The following MAGI2 variants were observed in gnomAD, a reference collection of about 807,000 sequenced individuals.
MAGI2 encodes membrane-associated guanylate kinase, WW and PDZ domain-containing protein 2.
In MAGI2, 35 loss-of-function variants were observed where a neutral mutation model predicts 133.3. The ratio of observed to expected loss-of-function variants is 0.26; its 90% CI spans 0.20 to 0.35. MAGI2 has a LOEUF of 0.35. Ranked by LOEUF, MAGI2 falls within the 10% of genes least tolerant of loss-of-function variation. The pLI is 1.00. For missense variants in MAGI2, 1,636 were observed against 1,863.4 expected, an observed-to-expected ratio of 0.88 and a Z score of 2.25; for synonymous variants, 729 against 710.6, an observed-to-expected ratio of 1.03 and a Z score of -0.41.
intron 2 of MAGI2, among the ~76,000 whole-genome samples, chr7:78,833,370 G>T (rs1276320915): frequency 6.6e-6 from 1 of 152,064 alleles, no homozygotes; most frequent in Non-Finnish European, 1.5e-5. Flanking sequence ...AATAATAAAT[G>T]CTGGTATATC....
At chr7:78,597,375 G>GGA (rs1491292739) in intron 3 of MAGI2, among the ~76,000 whole-genome samples, 1 of 16,854 alleles carries the variant, frequency 5.9e-5, no homozygotes, top group African/African-American at 3.8e-4. Flanking sequence ...TGAATTCCTT[G>GGA]GGGGGGGGGG....
chr7:78,193,906 T>C (rs1014868740), intron 12 of MAGI2, among the ~76,000 whole-genome samples: 4 of 152,222 alleles, frequency 2.6e-5, no homozygotes, highest in Non-Finnish European at 5.9e-5. Context: ...TGCTTTCCCC[T>C]TTACCAGCTG....
intron 2 of MAGI2, among the ~76,000 whole-genome samples, chr7:78,860,067 C>T (rs1036801343): frequency 2.6e-5 from 4 of 152,160 alleles, no homozygotes; most frequent in Admixed American, 6.5e-5. Context: ...ACGTAGTTCT[C>T]GTGCCATGGT....
chr7:78,682,336 C>T (rs1408485880), intron 2 of MAGI2, among the ~76,000 whole-genome samples: 1 of 152,066 alleles, frequency 6.6e-6, no homozygotes, highest in Admixed American at 6.6e-5. Context: ...GACCCGTCAT[C>T]TACATTAGGT....
At chr7:78,537,760 T>C (rs1256922264) in intron 3 of MAGI2, among the ~76,000 whole-genome samples, 1 of 152,162 alleles carries the variant, frequency 6.6e-6, no homozygotes, top group African/African-American at 2.4e-5. Flanking sequence ...TTGTCAGATG[T>C]ATAGTTTGCA....
chr7:79,350,758 G>C (rs1841633411), intron 1 of MAGI2, among the ~76,000 whole-genome samples: 3 of 152,084 alleles, frequency 2.0e-5, no homozygotes, highest in Non-Finnish European at 2.9e-5. Flanking sequence ...TTTGAATTTA[G>C]ATAAGAATCA....
intron 6 of MAGI2, among the ~76,000 whole-genome samples, chr7:78,471,544 C>G (rs1274560270): frequency 6.6e-6 from 1 of 152,106 alleles, no homozygotes; most frequent in East Asian, 1.9e-4. Context: ...TATGATTAGA[C>G]ATACTTCTAT....
chr7:78,225,203 T>C (rs1789254684), intron 10 of MAGI2, among the ~76,000 whole-genome samples: 1 of 152,160 alleles, frequency 6.6e-6, no homozygotes, highest in Admixed American at 6.5e-5. Flanking sequence ...CCCCTTATTT[T>C]CTGAGATTCC....
chr7:78,387,285 T>C (rs976802098), intron 6 of MAGI2, among the ~76,000 whole-genome samples: 3 of 152,116 alleles, frequency 2.0e-5, no homozygotes, highest in Non-Finnish European at 4.4e-5. Flanking sequence ...TCTTTACAAC[T>C]CTAGGCAAAA....
chr7:78,576,023 A>G (rs1261628797), intron 3 of MAGI2, among the ~76,000 whole-genome samples: 1 of 152,176 alleles, frequency 6.6e-6, no homozygotes, highest in Admixed American at 6.5e-5. Context: ...AACTCTCTGT[A>G]CTATTTTTGT....
At chr7:79,309,775 T>C (rs1175741479) in intron 1 of MAGI2, among the ~76,000 whole-genome samples, 3 of 151,618 alleles carry the variant, frequency 2.0e-5, no homozygotes, top group Non-Finnish European at 4.4e-5. Context: ...TGTTCATCAC[T>C]GTGAAGATAA....
At chr7:78,950,429 C>A (rs1370407266) in intron 2 of MAGI2, among the ~76,000 whole-genome samples, 2 of 152,134 alleles carry the variant, frequency 1.3e-5, no homozygotes, top group Non-Finnish European at 2.9e-5. Context: ...AACATTAAGA[C>A]ACTGATGTTC....
intron 6 of MAGI2, among the ~76,000 whole-genome samples, chr7:78,397,767 G>C (rs997511965): frequency 1.3e-5 from 2 of 151,990 alleles, no homozygotes; most frequent in African/African-American, 4.8e-5. Context: ...TGCTACTTAG[G>C]ACCAACAATA....
intron 3 of MAGI2, among the ~76,000 whole-genome samples, chr7:78,607,211 T>C (rs1307826163): frequency 6.6e-6 from 1 of 152,124 alleles, no homozygotes; most frequent in African/African-American, 2.4e-5. Context: ...TCTGCAGAGG[T>C]GAGAGAAAAC....
At chr7:78,646,751 T>C (rs1235781210) in intron 2 of MAGI2, among the ~76,000 whole-genome samples, 12 of 152,230 alleles carry the variant, frequency 7.9e-5, no homozygotes, top group Non-Finnish European at 1.2e-4. Context: ...GCTACCTGAA[T>C]GAAAATTTGG....
At chr7:78,664,170 A>G (rs1024694763) in intron 2 of MAGI2, among the ~76,000 whole-genome samples, 2 of 152,318 alleles carry the variant, frequency 1.3e-5, no homozygotes, top group East Asian at 3.9e-4. Flanking sequence ...ATTATTGAGA[A>G]GTGACACTTA....
At chr7:78,059,777 A>ATT (rs10692094) in intron 21 of MAGI2, among the ~76,000 whole-genome samples, 11,034 of 146,048 alleles carry the variant, frequency 0.076, 556 homozygotes, top group African/African-American at 0.12. Flanking sequence ...ATATATATAT[A>ATT]TTTTTTTTCT....
At chr7:78,727,679 C>G (rs558487554) in intron 2 of MAGI2, among the ~76,000 whole-genome samples, 18 of 152,332 alleles carry the variant, frequency 1.2e-4, no homozygotes, top group Non-Finnish European at 2.2e-4. Flanking sequence ...AATGGTAACA[C>G]TTGGTCAAAC....
At chr7:78,573,908 C>A (rs188790730) in intron 3 of MAGI2, among the ~76,000 whole-genome samples, 2 of 152,072 alleles carry the variant, frequency 1.3e-5, no homozygotes, top group Non-Finnish European at 2.9e-5. Flanking sequence ...GAGATCTGAG[C>A]TGAGTACAGA....
Sources: gnomAD v4.1 joint callset for allele counts (sites outside exome capture counted in the v4.1 genomes callset) on GRCh38, gnomAD v4.1.1 for gene constraint, MANE v1.5 for transcripts, NCBI Gene and HGNC (gene_info 2026-07-23, HGNC 2026-07-21) for gene names.